Variants in TMEM117 observed in about 807,000 individuals in gnomAD.
TMEM117 encodes transmembrane protein 117.
In TMEM117, 27 loss-of-function variants were observed where a neutral mutation model predicts 52.4. That is an observed-to-expected ratio of 0.51 (90% CI 0.38 to 0.71). The LOEUF (loss-of-function observed/expected upper bound fraction) is 0.71. Among genes scored for constraint, TMEM117 ranks in the 30% least tolerant of loss-of-function variants. TMEM117 has a pLI of 0.00. For missense variants in TMEM117, 556 were observed against 630.5 expected (o/e 0.88, Z 1.26); for synonymous variants, 215 against 206.3 (o/e 1.04, Z -0.36).
At chr12:43,934,367 A>G (rs1271589270) in intron 2 of TMEM117, among the ~76,000 whole-genome samples, 1 of 152,184 alleles carries the variant, frequency 6.6e-6, no homozygotes, top group Non-Finnish European at 1.5e-5. Context: ...GTTTAATGGA[A>G]AGAGCCAAAT....
chr12:44,342,863 G>A (rs535259726), intron 6 of TMEM117, among the ~76,000 whole-genome samples: 15 of 151,922 alleles, frequency 9.9e-5, no homozygotes, highest in Admixed American at 9.2e-4. Context: ...AAAGAGAATG[G>A]TTTGTTTTTG....
At chr12:44,205,854 A>G (rs1162646173) in intron 4 of TMEM117, among the ~76,000 whole-genome samples, 1 of 152,172 alleles carries the variant, frequency 6.6e-6, no homozygotes, top group African/African-American at 2.4e-5. Flanking sequence ...CAGTTTGGAG[A>G]TTTCACAAAG....
chr12:44,275,496 C>T (rs1270242954), intron 5 of TMEM117, among the ~76,000 whole-genome samples: 2 of 151,912 alleles, frequency 1.3e-5, no homozygotes, highest in South Asian at 2.1e-4. Context: ...ATCTGCAGTC[C>T]CATATTTGTT....
chr12:44,269,265 A>G (rs2138562580), intron 5 of TMEM117, among the ~76,000 whole-genome samples: 1 of 152,236 alleles, frequency 6.6e-6, no homozygotes, highest in South Asian at 2.1e-4. Context: ...ATAAATTTAA[A>G]AGGAAAACAC....
chr12:44,065,156 G>A (rs772108610), intron 3 of TMEM117, among the ~76,000 whole-genome samples: 3 of 152,082 alleles, frequency 2.0e-5, no homozygotes, highest in South Asian at 4.1e-4. Flanking sequence ...AGGCTGAGGC[G>A]GGCAGATCAC....
chr12:44,248,640 C>A, intron 5 of TMEM117: 1 of 162,734 alleles, frequency 6.1e-6, no homozygotes, highest in South Asian at 1.7e-4. Context: ...CGTGAGAAGT[C>A]CTCCAATGCT....
At chr12:44,326,203 T>G (rs1592695210) in intron 6 of TMEM117, among the ~76,000 whole-genome samples, 1 of 141,384 alleles carries the variant, frequency 7.1e-6, no homozygotes, top group Middle Eastern at 3.4e-3. Flanking sequence ...TGTTTTTTGT[T>G]TTTTATTTAA....
At chr12:44,063,201 T>C (rs935712727) in intron 3 of TMEM117, among the ~76,000 whole-genome samples, 9 of 152,200 alleles carry the variant, frequency 5.9e-5, no homozygotes, top group African/African-American at 2.2e-4. Context: ...AGACTGTATA[T>C]GCGTATTTCT....
chr12:44,359,837 A>T (rs182781836), intron 6 of TMEM117, among the ~76,000 whole-genome samples: 5 of 152,294 alleles, frequency 3.3e-5, no homozygotes, highest in African/African-American at 1.2e-4. Context: ...AACTATGTTT[A>T]CAAGTTTCCA....
chr12:43,990,048 A>G (rs973919402), intron 3 of TMEM117, among the ~76,000 whole-genome samples: 7 of 152,188 alleles, frequency 4.6e-5, no homozygotes, highest in African/African-American at 1.7e-4. Flanking sequence ...AAGCTAGTAC[A>G]TAAATCAAGG....
At chr12:44,387,006 C>A (rs1952097357) in intron 7 of TMEM117, among the ~76,000 whole-genome samples, 1 of 151,806 alleles carries the variant, frequency 6.6e-6, no homozygotes, top group Non-Finnish European at 1.5e-5. Flanking sequence ...TGGCATAATA[C>A]ATAAAATTAT....
chr12:44,013,864 T>C (rs971566514), intron 3 of TMEM117, among the ~76,000 whole-genome samples: 1 of 152,252 alleles, frequency 6.6e-6, no homozygotes, highest in African/African-American at 2.4e-5. Flanking sequence ...TTCACTTCAC[T>C]GACAGATCTA....
At chr12:43,950,042 T>G (rs1412309206) in intron 3 of TMEM117, among the ~76,000 whole-genome samples, 1 of 152,190 alleles carries the variant, frequency 6.6e-6, no homozygotes, top group African/African-American at 2.4e-5. Context: ...TCTATCCACT[T>G]TGATTTATCA....
At chr12:44,274,023 A>G (rs189683593) in intron 5 of TMEM117, among the ~76,000 whole-genome samples, 1 of 152,284 alleles carries the variant, frequency 6.6e-6, no homozygotes, top group East Asian at 1.9e-4. Flanking sequence ...AAGTCAAATT[A>G]TCCTTGTTTG....
At chr12:44,138,333 A>G (rs551671131) in intron 3 of TMEM117, among the ~76,000 whole-genome samples, 2 of 152,280 alleles carry the variant, frequency 1.3e-5, no homozygotes, top group East Asian at 3.9e-4. Context: ...CATAGATTTG[A>G]GAGCCTTTCA....
intron 1 of TMEM117, among the ~76,000 whole-genome samples, chr12:43,840,627 C>A (rs1321510824): frequency 6.6e-6 from 1 of 152,192 alleles, no homozygotes; most frequent in Non-Finnish European, 1.5e-5. Context: ...TAGATGCCTA[C>A]TGATCACCCA....
chr12:44,284,234 C>T (rs773662849), intron 5 of TMEM117, among the ~76,000 whole-genome samples: 17 of 152,122 alleles, frequency 1.1e-4, no homozygotes, highest in Non-Finnish European at 1.9e-4. Context: ...CTTGCTTGAA[C>T]CCGAGAGGTG....
At position 44,388,483 on chromosome 12, in the gene TMEM117, C is replaced by T; in HGVS notation, c.1356C>T (p.Asn452=). The T allele has an allele frequency of 5.0e-6, 8 of 1,613,460 alleles. No homozygotes were observed. Among genetic ancestry groups the T allele is most frequent in the Non-Finnish European group, 5.9e-6 (7 of 1,179,678 alleles). The part of the protein sequence containing the change: ...HSKDMGITRE[N]TQASVEDPLN... ...AAGACATGGGAATCACTCGAGAAAA[C>T]ACCCAGGCTTCAGTAGAAGACCCCT... The change falls in exon 8 of 8, where the codon AAC becomes AAT. Residue 452 remains asparagine, a synonymous_variant. Coordinates refer to ENST00000266534, the MANE Select transcript of TMEM117 (RefSeq NM_032256.3).
At chr12:44,070,764 C>G (rs545225380) in intron 3 of TMEM117, among the ~76,000 whole-genome samples, 1 of 152,158 alleles carries the variant, frequency 6.6e-6, no homozygotes, top group Non-Finnish European at 1.5e-5. Flanking sequence ...TATATGAATA[C>G]CTTGTATGAG....
Sources: allele counts gnomAD v4.1 joint callset (sites outside exome capture counted in the v4.1 genomes callset), GRCh38; gene constraint gnomAD v4.1.1; transcripts MANE v1.5; gene names NCBI Gene and HGNC (gene_info 2026-07-23, HGNC 2026-07-21).